The following EFR3A variants were observed in gnomAD, a reference collection of about 807,000 sequenced individuals.
The protein encoded by EFR3A is protein EFR3 homolog A.
A neutral mutation model predicts 104.4 loss-of-function variants in EFR3A; 76 were observed. The ratio of observed to expected loss-of-function variants is 0.73; its 90% CI spans 0.60 to 0.88. The LOEUF (loss-of-function observed/expected upper bound fraction) is 0.88. EFR3A is among the 40% of genes least tolerant of loss of function. EFR3A has a pLI of 0.00. For missense variants in EFR3A, 985 were observed against 1,012.5 expected (o/e 0.97, Z 0.37); for synonymous variants, 330 against 330.0 (o/e 1.00, Z 0.00).
intron 8 of EFR3A, among the ~76,000 whole-genome samples, chr8:131,960,411 T>C (rs1819249140): frequency 1.3e-5 from 2 of 151,984 alleles, no homozygotes; most frequent in South Asian, 4.1e-4. Flanking sequence ...TGGTATGGGG[T>C]GGGGCTGGAA....
intron 18 of EFR3A, among the ~76,000 whole-genome samples, chr8:131,991,048 A>C (rs1428968079): frequency 1.3e-5 from 2 of 152,158 alleles, no homozygotes; most frequent in African/African-American, 4.8e-5. Flanking sequence ...CAATTTACAA[A>C]AGAAAGAGGT....
chr8:131,975,412 A>ATTTT (rs5895119), intron 10 of EFR3A, among the ~76,000 whole-genome samples: 45 of 111,130 alleles, frequency 4.0e-4, no homozygotes, highest in East Asian at 1.0e-3. Context: ...TTTTTTTCCT[A>ATTTT]TTTTTTTTTT....
chr8:131,962,784 C>A (rs923478300), intron 8 of EFR3A, among the ~76,000 whole-genome samples: 37 of 152,152 alleles, frequency 2.4e-4, no homozygotes, highest in Non-Finnish European at 4.4e-4. Context: ...CAGCACCACA[C>A]CACACTTATT....
intron 7 of EFR3A, 47 bp downstream of exon 7, chr8:131,955,952 A>C (rs1818967085): frequency 6.2e-7 from 1 of 1,602,196 alleles, no homozygotes; most frequent in African/African-American, 1.3e-5. Context: ...TGCTGTATTA[A>C]TTCTGTGTTA....
Position 131,904,183 on chromosome 8 carries a change from C to T in EFR3A, c.-130C>T. 1 of 1,078,696 alleles carries T rather than the reference C, an allele frequency of 9.3e-7. No homozygotes were observed. The highest frequency in any genetic ancestry group is 4.0e-5 in the South Asian group (1 of 25,164). The allele number at this position is 1,078,696 out of a possible 1,614,324, so 66.8% of individuals were successfully genotyped here. A position where few individuals can be genotyped will look rare whatever the true frequency, so the allele number is the denominator to read the frequency against. On this transcript the variant is annotated 5_prime_UTR_variant, in exon 1 of 23. Coordinates refer to ENST00000254624, the MANE Select transcript of EFR3A (RefSeq NM_015137.6). ...CCGCGGGGTCCGCGTCCGCTCCCTC[C>T]ACCCTTCGCCCTTCGCCCTTCGCCT...
intron 22 of EFR3A, among the ~76,000 whole-genome samples, chr8:132,005,739 A>T (rs1031495164): frequency 6.6e-6 from 1 of 152,192 alleles, no homozygotes; most frequent in Non-Finnish European, 1.5e-5. Flanking sequence ...TGCAGAAAGG[A>T]TATAAGATTT....
At position 131,979,432 on chromosome 8, in the gene EFR3A, T is replaced by TG. The variant is rs1221343470; in HGVS notation, c.1575+11_1575+12insG. ...AGTTTCATGAAAAAGGTAAGACATC[T>TG]TCTAAAAAAATAAATGTGTAGTGTA... On this transcript the variant is annotated intron_variant, in intron 14 of 22. Coordinates refer to ENST00000254624, the MANE Select transcript of EFR3A (RefSeq NM_015137.6). The TG allele has an allele frequency of 3.3e-6, 5 of 1,523,094 alleles. No homozygotes were observed. Among genetic ancestry groups the TG allele is most frequent in the Non-Finnish European group, 4.5e-6 (5 of 1,120,168 alleles). 94.3% of individuals were successfully genotyped at this position (1,523,094 alleles called of 1,614,324 possible). A position where few individuals can be genotyped will look rare whatever the true frequency, so the allele number is the denominator to read the frequency against.
At chr8:131,974,510 A>G (rs779719349) in intron 10 of EFR3A, among the ~76,000 whole-genome samples, 7 of 152,184 alleles carry the variant, frequency 4.6e-5, no homozygotes, top group Admixed American at 2.6e-4. Flanking sequence ...TAATAATAGC[A>G]TAAGCTTTGG....
chr8:131,953,742 C>G (rs1271529963), intron 5 of EFR3A, 76 bp from the exon 6 acceptor site: 4 of 1,287,248 alleles, frequency 3.1e-6, no homozygotes, highest in Non-Finnish European at 4.1e-6. Context: ...GATATCCATT[C>G]TCTTAGCTAC....
At chr8:131,947,185 T>G (rs140639794) in intron 4 of EFR3A, among the ~76,000 whole-genome samples, 58 of 152,142 alleles carry the variant, frequency 3.8e-4, no homozygotes, top group Non-Finnish European at 7.7e-4. Flanking sequence ...GTACTTGTTA[T>G]TGTCTATCTT....
intron 1 of EFR3A, among the ~76,000 whole-genome samples, chr8:131,923,267 T>G (rs1264620518): frequency 6.6e-6 from 1 of 152,154 alleles, no homozygotes; most frequent in Non-Finnish European, 1.5e-5. Context: ...TGTATAAAGC[T>G]AAAATAAGCC....
At chr8:131,969,318 C>T (rs941091793) in intron 9 of EFR3A, among the ~76,000 whole-genome samples, 3 of 152,080 alleles carry the variant, frequency 2.0e-5, no homozygotes, top group Non-Finnish European at 4.4e-5. Flanking sequence ...CCCTCAGTAT[C>T]TGCAGGGGAT....
At chr8:131,974,981 A>G (rs1820248146) in intron 10 of EFR3A, among the ~76,000 whole-genome samples, 1 of 152,242 alleles carries the variant, frequency 6.6e-6, no homozygotes, top group Non-Finnish European at 1.5e-5. Context: ...CATAACAGCC[A>G]TGATTTGATA....
At position 131,946,566 on chromosome 8, in the gene EFR3A, T is replaced by A. The variant is rs1818450836; in HGVS notation, c.299T>A (p.Phe100Tyr). The A allele has an allele frequency of 6.2e-7, 1 of 1,607,704 alleles. No homozygotes were observed. Among genetic ancestry groups the A allele is most frequent in the South Asian group, 1.1e-5 (1 of 89,914 alleles). ...AGCATTAAGCCATTTGTAGAAAGCT[T>A]TCTTCATATGGTGGCAAAGCTGCTG... Reference protein sequence around the residue: ...SQSIKPFVESFLHMVAKLLES... With the variant: ...SQSIKPFVESYLHMVAKLLES... The change falls in exon 4 of 23, where the codon TTT becomes TAT. Residue 100 changes from phenylalanine (F) to tyrosine (Y), a missense_variant. By Grantham distance (22) the Phe-to-Tyr change is conservative. Coordinates refer to ENST00000254624, the MANE Select transcript of EFR3A (RefSeq NM_015137.6).
At position 131,963,327 on chromosome 8, in the gene EFR3A, G is replaced by A. The variant is rs527945826; in HGVS notation, c.855+3664G>A. On this transcript the variant is annotated intron_variant, in intron 8 of 22. Coordinates refer to ENST00000254624, the MANE Select transcript of EFR3A (RefSeq NM_015137.6). ...AACAAAATTGATAGACTGCTAGCAA[G>A]ACTAATACAGAAGAAAAGAGAGAAG... Among the ~76,000 whole-genome samples the A allele has an allele frequency of 7.3e-3, 1,105 of 152,152 alleles. 11 individuals are homozygous for A. The highest frequency in any genetic ancestry group is 0.025 in the African/African-American group (1,055 of 41,510).
chr8:131,907,377 G>T (rs998007100), intron 1 of EFR3A, among the ~76,000 whole-genome samples: 6 of 152,156 alleles, frequency 3.9e-5, no homozygotes, highest in Non-Finnish European at 1.5e-5. Flanking sequence ...CCGGTAAAAT[G>T]TGCTCTTTTA....
chr8:131,946,065 T>C (rs1212978474), intron 3 of EFR3A, among the ~76,000 whole-genome samples: 2 of 152,022 alleles, frequency 1.3e-5, no homozygotes, highest in Non-Finnish European at 2.9e-5. Flanking sequence ...TAATATTATG[T>C]TGCTGATAGT....
At chr8:132,010,449 TA>T (rs1554610415) in intron 22 of EFR3A, among the ~76,000 whole-genome samples, 5 of 128,374 alleles carry the variant, frequency 3.9e-5, no homozygotes, top group East Asian at 2.2e-4. Flanking sequence ...TATATATATA[TA>T]ATGAAATACC....
intron 1 of EFR3A, among the ~76,000 whole-genome samples, chr8:131,921,474 T>C (rs1295389617): frequency 1.3e-5 from 2 of 152,208 alleles, no homozygotes; most frequent in Non-Finnish European, 2.9e-5. Flanking sequence ...CTTTAACATA[T>C]GAATTTTGAA....
Sources: gnomAD v4.1 joint callset for allele counts (sites outside exome capture counted in the v4.1 genomes callset) on GRCh38, gnomAD v4.1.1 for gene constraint, MANE v1.5 for transcripts, NCBI Gene and HGNC (gene_info 2026-07-23, HGNC 2026-07-21) for gene names.